The following RCC1L variants were observed in gnomAD, a reference collection of about 807,000 sequenced individuals.
RCC1L encodes RCC1-like G exchanging factor-like protein.
Under a neutral mutation model 58.6 loss-of-function variants are expected in RCC1L, and 46 were observed. The ratio of observed to expected loss-of-function variants is 0.79; its 90% CI spans 0.62 to 1.00. The LOEUF (loss-of-function observed/expected upper bound fraction) is 1.00. RCC1L is among the 50% of genes least tolerant of loss of function. The pLI, the probability that RCC1L is intolerant of heterozygous loss-of-function variation, is 0.00. For synonymous variants in RCC1L, 281 were observed against 262.9 expected (o/e 1.07, Z -0.67); for missense variants, 636 against 623.6 (o/e 1.02, Z -0.21).
At chr7:75,066,597 T>C (rs1484742604) in intron 3 of RCC1L, 67 bp downstream of exon 3, 2 of 1,600,738 alleles carry the variant, frequency 1.2e-6, no homozygotes, top group Non-Finnish European at 1.7e-6. Context: ...CAGGCCTGAT[T>C]TGAGGCTCCA....
chr7:75,047,159 T>C (rs1348384604), intron 10 of RCC1L, among the ~76,000 whole-genome samples: 1 of 152,040 alleles, frequency 6.6e-6, no homozygotes, highest in African/African-American at 2.4e-5. Context: ...GGTTTCACCA[T>C]GTTGGCCAAG....
Position 75,050,478 on chromosome 7 carries a change from G to A in RCC1L, c.1317+2233C>T, listed in dbSNP as rs1057039786. On this transcript the variant is annotated intron_variant, in intron 10 of 10. Coordinates refer to ENST00000610322, the MANE Select transcript of RCC1L (RefSeq NM_030798.5). Reference sequence around the variant, plus strand: ...CAACGTGACCTGAGTCAAATCTCAGGCTGATCACTCTGATTTGAAGGAAAT... The same window carrying A: ...CAACGTGACCTGAGTCAAATCTCAGACTGATCACTCTGATTTGAAGGAAAT... Among the ~76,000 whole-genome samples, 51 of 152,232 alleles carry A rather than the reference G, an allele frequency of 3.4e-4. No homozygotes were observed. In the Middle Eastern group the frequency reaches 0.014, roughly 41 times the overall value.
chr7:75,037,503 C>CT (rs1191475757), downstream of RCC1L, among the ~76,000 whole-genome samples: 568 of 116,742 alleles, frequency 4.9e-3, 4 homozygotes, highest in African/African-American at 7.8e-3. Context: ...TGGTTTATAT[C>CT]TTTTTTTTTT....
rs1389116539 is a variant in RCC1L, at chr7:75,045,314, G to A, written c.1318-2205C>T. 5.3e-5 allele frequency among the ~76,000 whole-genome samples: 8 copies of A among 152,080 alleles called. No homozygotes were observed. The South Asian group carries it at 1.5e-3, about 28-fold the overall frequency. On this transcript the variant is annotated intron_variant, in intron 10 of 10. Coordinates refer to ENST00000610322, the MANE Select transcript of RCC1L (RefSeq NM_030798.5). Reference sequence around the variant, plus strand: ...CCCACCTCACCCTCCCAAGTAGCTAGGACTACTGGCATGCACCACTATGCT... The same window carrying A: ...CCCACCTCACCCTCCCAAGTAGCTAAGACTACTGGCATGCACCACTATGCT...
intron 4 of RCC1L, among the ~76,000 whole-genome samples, chr7:75,064,338 A>G (rs587645058): frequency 1.3e-5 from 2 of 152,126 alleles, no homozygotes; most frequent in Admixed American, 6.6e-5. Context: ...CAAAAAAAAA[A>G]AAAAAAAATT....
At chr7:75,038,434 TTTTA>T (rs1439979688), downstream of RCC1L, among the ~76,000 whole-genome samples, 4 of 151,826 alleles carry the variant, frequency 2.6e-5, no homozygotes, top group Non-Finnish European at 4.4e-5. Context: ...GTATTTGTGT[TTTTA>T]TTTATTTATT....
chr7:75,073,572 C>G lies in RCC1L; in HGVS notation c.166G>C (p.Ala56Pro), dbSNP rs995282631. The G allele has an allele frequency of 2.6e-6, 4 of 1,511,726 alleles. No individual in the cohort carries two copies. Among genetic ancestry groups the G allele is most frequent in the Non-Finnish European group, 3.5e-6 (4 of 1,139,306 alleles). 93.6% of individuals were successfully genotyped at this position (1,511,726 alleles called of 1,614,324 possible). The change falls in exon 1 of 11, where the codon GCC becomes CCC. Residue 56 changes from alanine to proline, a missense_variant. By Grantham distance (27) the Ala-to-Pro change is conservative. Transcript: ENST00000610322. The stretch of plus-strand genomic sequence containing the variant: ...CACACGAAGACGCGATCGGCGCGGG[C>G]AGCGCGCTCGCCCACGTACTGGACC... The part of the protein sequence containing the change: ...PVVQYVGERA[A>P]RADRVFVWGF...
At chr7:75,060,350 T>C (rs1806231995) in intron 6 of RCC1L, among the ~76,000 whole-genome samples, 1 of 152,264 alleles carries the variant, frequency 6.6e-6, no homozygotes, top group South Asian at 2.1e-4. Context: ...CTTGGGCTGC[T>C]GGCCAGGGGT....
intron 10 of RCC1L, among the ~76,000 whole-genome samples, chr7:75,050,429 T>G (rs1325878451): frequency 2.6e-5 from 4 of 152,190 alleles, no homozygotes; most frequent in Admixed American, 1.3e-4. Flanking sequence ...GACCAGCGCT[T>G]TGCACATGCC....
At chr7:75,048,763 C>T (rs1406862534) in intron 10 of RCC1L, among the ~76,000 whole-genome samples, 1 of 152,236 alleles carries the variant, frequency 6.6e-6, no homozygotes, top group Non-Finnish European at 1.5e-5. Context: ...GGCCAGACAA[C>T]GCCTGGTCAA....
At chr7:75,073,340 G>A (rs1806835286) in intron 1 of RCC1L, 74 bp downstream of exon 1, 4 of 675,608 alleles carry the variant, frequency 5.9e-6, no homozygotes, top group African/African-American at 1.9e-5. Flanking sequence ...TTCTTGAAGA[G>A]AGCCGAACAG....
intron 2 of RCC1L, among the ~76,000 whole-genome samples, chr7:75,067,289 G>A (rs1322048541): frequency 2.7e-5 from 4 of 148,440 alleles, no homozygotes; most frequent in East Asian, 2.0e-4. Flanking sequence ...GGACAAGAGC[G>A]AGACTTCATC....
chr7:75,058,959 T>C (rs1011476447), intron 6 of RCC1L, among the ~76,000 whole-genome samples, 190 bp from the exon 7 acceptor site: 12 of 151,428 alleles, frequency 7.9e-5, no homozygotes, highest in Admixed American at 7.3e-4. Flanking sequence ...GGCAGATCAC[T>C]TGAGGTCAGG....
At position 75,066,780 on chromosome 7, in the gene RCC1L, T is replaced by C; in HGVS notation, c.467A>G (p.Glu156Gly). Reference sequence around the variant, plus strand: ...GACGGGTGAGGGCTCCAACACATACTCGTAGCCCCTCGCTGGAAAAGACAC... The same window carrying C: ...GACGGGTGAGGGCTCCAACACATACCCGTAGCCCCTCGCTGGAAAAGACAC... ...RSRKDKTRGY[E>G]YVLEPSPVSL... The change falls in exon 3 of 11, where the codon GAG becomes GGG. Residue 156 changes from glutamate (E) to glycine (G), a missense_variant. Transcript: ENST00000610322. 1 of 1,604,340 alleles carries C rather than the reference T, an allele frequency of 6.2e-7. No individual in the cohort carries two copies. The highest frequency in any genetic ancestry group is 8.5e-7 in the Non-Finnish European group (1 of 1,176,618).
At chr7:75,051,262 A>G (rs926048274) in intron 10 of RCC1L, among the ~76,000 whole-genome samples, 4 of 144,292 alleles carry the variant, frequency 2.8e-5, no homozygotes, top group Admixed American at 1.4e-4. Context: ...GTGTGTGTGT[A>G]TATATACACA....
downstream of RCC1L, among the ~76,000 whole-genome samples, chr7:75,039,749 C>G (rs1805510332): frequency 6.6e-6 from 1 of 152,108 alleles, no homozygotes; most frequent in Non-Finnish European, 1.5e-5. Flanking sequence ...TGGAGAATGG[C>G]CTGGGGACAC....
In RCC1L at chr7:75,058,786, T is replaced by C. The variant is rs1806171658; in HGVS notation, c.788-17A>G. Reference sequence around the variant, plus strand: ...GACCCAGACCTAACACAGTGGAAAATACAGATTTTTAATTATTCGCTCTTT... The same window carrying C: ...GACCCAGACCTAACACAGTGGAAAACACAGATTTTTAATTATTCGCTCTTT... On this transcript the variant is annotated splice_polypyrimidine_tract_variant and intron_variant, in intron 6 of 10. Transcript: ENST00000610322. 6.8e-6 allele frequency: 11 copies of C among 1,613,498 alleles called. No individual in the cohort carries two copies. The Admixed American group carries it at 1.5e-4, about 22-fold the overall frequency.
chr7:75,037,334 G>A (rs1805451121), downstream of RCC1L, among the ~76,000 whole-genome samples: 1 of 151,910 alleles, frequency 6.6e-6, no homozygotes, highest in East Asian at 1.9e-4. Flanking sequence ...ACAGGCATGT[G>A]CCAACATACC....
At chr7:75,057,171 C>G (rs1765714086) in intron 8 of RCC1L, among the ~76,000 whole-genome samples, 1 of 152,150 alleles carries the variant, frequency 6.6e-6, no homozygotes, top group Non-Finnish European at 1.5e-5. Context: ...CAGGGTTTCA[C>G]CACGTTGGCC....
Sources: gnomAD v4.1 joint callset for allele counts (sites outside exome capture counted in the v4.1 genomes callset) on GRCh38, gnomAD v4.1.1 for gene constraint, MANE v1.5 for transcripts, NCBI Gene and HGNC (gene_info 2026-07-23, HGNC 2026-07-21) for gene names.